Variants in PCDH9 observed in about 807,000 individuals in gnomAD.
PCDH9 encodes protocadherin 9, also known as protocadherin-9.
PCDH9 carries 24 observed loss-of-function variants against 70.6 expected under a neutral mutation model. The observed-to-expected ratio is 0.34, with a 90% CI of 0.25 to 0.48. The LOEUF is 0.48. Ranked by LOEUF, PCDH9 falls within the 20% of genes least tolerant of loss-of-function variation. PCDH9 has a pLI of 0.99. For missense variants in PCDH9, 1,281 were observed against 1,503.6 expected (o/e 0.85, Z 2.45); for synonymous variants, 562 against 558.5 (o/e 1.01, Z -0.09).
At chr13:66,486,406 G>A (rs1958943362) in intron 4 of PCDH9, among the ~76,000 whole-genome samples, 1 of 152,016 alleles carries the variant, frequency 6.6e-6, no homozygotes, top group African/African-American at 2.4e-5. Flanking sequence ...TCGGTGAGCT[G>A]TGACTGTGCT....
At chr13:67,033,306 A>G (rs1388927603) in intron 2 of PCDH9, among the ~76,000 whole-genome samples, 1 of 152,218 alleles carries the variant, frequency 6.6e-6, no homozygotes, top group Non-Finnish European at 1.5e-5. Context: ...GCTCCAGGCA[A>G]GCAAGGAAAG....
intron 2 of PCDH9, among the ~76,000 whole-genome samples, chr13:67,082,980 C>G (rs1012836486): frequency 2.0e-5 from 3 of 152,062 alleles, no homozygotes; most frequent in Non-Finnish European, 2.9e-5. Context: ...TGGAATACCT[C>G]TGGAAATTTT....
chr13:67,060,412 C>A (rs758781891), intron 2 of PCDH9, among the ~76,000 whole-genome samples: 20 of 152,142 alleles, frequency 1.3e-4, no homozygotes, highest in Non-Finnish European at 2.5e-4. Context: ...ACCACGAACA[C>A]CTGGCTTTGT....
At chr13:67,179,930 T>C (rs1450022364) in intron 2 of PCDH9, among the ~76,000 whole-genome samples, 5 of 152,080 alleles carry the variant, frequency 3.3e-5, no homozygotes, top group Non-Finnish European at 7.4e-5. Context: ...AAAACTATAG[T>C]TGGCTAAGAA....
intron 2 of PCDH9, among the ~76,000 whole-genome samples, chr13:67,191,838 T>C (rs1171475351): frequency 6.6e-6 from 1 of 152,136 alleles, no homozygotes; most frequent in Non-Finnish European, 1.5e-5. Flanking sequence ...AAGAAAGAAA[T>C]TGAACTAACT....
intron 2 of PCDH9, among the ~76,000 whole-genome samples, chr13:67,002,442 A>G (rs2084263403): frequency 1.3e-5 from 2 of 152,070 alleles, no homozygotes; most frequent in Admixed American, 1.3e-4. Context: ...GTAATCAAAT[A>G]TGTTTGTCTG....
At chr13:66,563,441 T>C (rs1468248515) in intron 4 of PCDH9, among the ~76,000 whole-genome samples, 3 of 152,206 alleles carry the variant, frequency 2.0e-5, no homozygotes, top group Non-Finnish European at 4.4e-5. Flanking sequence ...ATCCACACTC[T>C]ACCCTCTAGC....
At chr13:66,967,574 G>A (rs1168561756) in intron 2 of PCDH9, among the ~76,000 whole-genome samples, 3 of 151,806 alleles carry the variant, frequency 2.0e-5, no homozygotes, top group Non-Finnish European at 4.4e-5. Context: ...TAAGTAACAA[G>A]TTTACCCAAA....
At chr13:66,596,036 G>T (rs2077098607) in intron 4 of PCDH9, among the ~76,000 whole-genome samples, 1 of 151,556 alleles carries the variant, frequency 6.6e-6, no homozygotes, top group Admixed American at 6.6e-5. Context: ...TAATCAATAA[G>T]ATCATTTAAC....
Position 66,838,617 on chromosome 13 carries a change from GAAAAACTCTGGTACATA to G in PCDH9, c.3138+64870_3138+64886del, listed in dbSNP as rs544541045. ...TTAACACAATTTTTCATGCTAGCATGAAAAACTCTGGTACATAAAAACCCATGTGAATGTTTGCATTT... is the reference window on the plus strand; with the variant it reads ...TTAACACAATTTTTCATGCTAGCATGAAAACCCATGTGAATGTTTGCATTT... On this transcript the variant is annotated intron_variant, in intron 3 of 4. Coordinates refer to ENST00000377865, the MANE Select transcript of PCDH9 (RefSeq NM_203487.3). Among the ~76,000 whole-genome samples, 1,099 of 151,944 alleles carry G rather than the reference GAAAAACTCTGGTACATA, an allele frequency of 7.2e-3. 16 individuals are homozygous for G. The highest frequency in any genetic ancestry group is 0.017 in the Middle Eastern group (5 of 294).
chr13:66,404,352 T>C (rs1240554584), intron 4 of PCDH9, among the ~76,000 whole-genome samples: 1 of 152,120 alleles, frequency 6.6e-6, no homozygotes, highest in African/African-American at 2.4e-5. Context: ...GAGGCCAACA[T>C]TTCCAAGAAT....
At chr13:67,106,054 A>G (rs1330661514) in intron 2 of PCDH9, among the ~76,000 whole-genome samples, 1 of 152,098 alleles carries the variant, frequency 6.6e-6, no homozygotes, top group Non-Finnish European at 1.5e-5. Flanking sequence ...TGAATAGGTC[A>G]TCCAACTTTT....
At chr13:67,009,669 T>C (rs956651769) in intron 2 of PCDH9, among the ~76,000 whole-genome samples, 1 of 152,062 alleles carries the variant, frequency 6.6e-6, no homozygotes, top group Admixed American at 6.6e-5. Context: ...ATTCCACCCA[T>C]CGTTGACTCT....
At chr13:66,490,845 G>T (rs1462565868) in intron 4 of PCDH9, among the ~76,000 whole-genome samples, 3 of 152,124 alleles carry the variant, frequency 2.0e-5, no homozygotes, top group Non-Finnish European at 4.4e-5. Context: ...ATAGGTAAAA[G>T]TTAAATCTGG....
At chr13:66,884,745 C>A (rs2081980229) in intron 3 of PCDH9, among the ~76,000 whole-genome samples, 1 of 152,024 alleles carries the variant, frequency 6.6e-6, no homozygotes, top group Non-Finnish European at 1.5e-5. Flanking sequence ...AGAAGATATG[C>A]CAAATGAATC....
At chr13:66,909,570 C>A (rs905651010) in intron 2 of PCDH9, among the ~76,000 whole-genome samples, 2 of 152,102 alleles carry the variant, frequency 1.3e-5, no homozygotes, top group African/African-American at 4.8e-5. Context: ...GAGATGGAGA[C>A]CATCCTGGCT....
chr13:66,789,563 G>C (rs2080131787), intron 3 of PCDH9, among the ~76,000 whole-genome samples: 1 of 151,366 alleles, frequency 6.6e-6, no homozygotes, highest in African/African-American at 2.4e-5. Context: ...TTTTATTTAA[G>C]AGCAACCAAA....
intron 4 of PCDH9, among the ~76,000 whole-genome samples, chr13:66,526,507 ATCTCTCTC>A: frequency 6.7e-6 from 1 of 149,264 alleles, no homozygotes; most frequent in South Asian, 2.2e-4. Flanking sequence ...ATGCTTTGAA[ATCTCTCTC>A]TCTCTCTCTC....
chr13:66,627,448 T>C lies in PCDH9; in HGVS notation c.3340+3762A>G, dbSNP rs552420085. Among the ~76,000 whole-genome samples the C allele has an allele frequency of 3.8e-4, 58 of 152,310 alleles. 1 individual carries two copies. The highest frequency in any genetic ancestry group is 1.4e-3 in the African/African-American group (58 of 41,566). ...GTAATATGTAATAATTCTATCCTAATATGAATGAACATTCAGTCTGACTCT... is the reference window on the plus strand; with the variant it reads ...GTAATATGTAATAATTCTATCCTAACATGAATGAACATTCAGTCTGACTCT... On this transcript the variant is annotated intron_variant, in intron 4 of 4. Coordinates refer to ENST00000377865, the MANE Select transcript of PCDH9 (RefSeq NM_203487.3).
Sources: allele counts gnomAD v4.1 joint callset (sites outside exome capture counted in the v4.1 genomes callset), GRCh38; gene constraint gnomAD v4.1.1; transcripts MANE v1.5; gene names NCBI Gene and HGNC (gene_info 2026-07-23, HGNC 2026-07-21).